Variants in DLGAP4 observed in about 807,000 individuals in gnomAD.
The protein encoded by DLGAP4 is DLG associated protein 4, also known as disks large-associated protein 4.
A neutral mutation model predicts 86.9 loss-of-function variants in DLGAP4; 18 were observed. The observed-to-expected ratio is 0.21, with a 90% CI of 0.14 to 0.31. The LOEUF is 0.31. Among genes scored for constraint, DLGAP4 ranks in the 10% least tolerant of loss-of-function variants. The pLI, the probability that DLGAP4 is intolerant of heterozygous loss-of-function variation, is 1.00. For synonymous variants in DLGAP4, 548 were observed against 574.3 expected (o/e 0.95, Z 0.65); for missense variants, 1,085 against 1,362.6 (o/e 0.80, Z 3.21).
intron 1 of DLGAP4, among the ~76,000 whole-genome samples, chr20:36,328,460 TA>T (rs1317342552): frequency 6.7e-6 from 1 of 148,804 alleles, no homozygotes; most frequent in Non-Finnish European, 1.5e-5. Context: ...CTTATTTGTA[TA>T]CAAAACTGGC....
At chr20:36,462,388 C>CGTAT in intron 7 of DLGAP4, 1 of 1,361,710 alleles carries the variant, frequency 7.3e-7, no homozygotes, top group Non-Finnish European at 9.4e-7. Flanking sequence ...GGTGGTCTCG[C>CGTAT]CACTCTGTGC....
chr20:36,383,530 A>G (rs1477815573), intron 2 of DLGAP4, among the ~76,000 whole-genome samples: 1 of 151,822 alleles, frequency 6.6e-6, no homozygotes, highest in East Asian at 1.9e-4. Flanking sequence ...TAAAAAGGGA[A>G]GGTTTGGGAG....
chr20:36,435,086 G>T (rs2033234936), intron 3 of DLGAP4, among the ~76,000 whole-genome samples: 1 of 151,836 alleles, frequency 6.6e-6, no homozygotes, highest in African/African-American at 2.4e-5. Context: ...TGTGGGGGGG[G>T]GTTGCTGTGA....
chr20:36,461,993 G>C (rs996080118), intron 7 of DLGAP4: 30 of 984,844 alleles, frequency 3.0e-5, no homozygotes, highest in Non-Finnish European at 3.5e-5. Flanking sequence ...AGCGCCCCCA[G>C]ATCTTTTGGG....
chr20:36,312,367 G>A (rs1055295827), intron 1 of DLGAP4, among the ~76,000 whole-genome samples: 38 of 149,924 alleles, frequency 2.5e-4, no homozygotes, highest in African/African-American at 7.8e-4. Flanking sequence ...ATGCACGCGC[G>A]AACACACGCA....
intron 7 of DLGAP4, among the ~76,000 whole-genome samples, chr20:36,454,078 A>G (rs1318095468): frequency 1.3e-5 from 2 of 151,698 alleles, no homozygotes; most frequent in African/African-American, 2.4e-5. Flanking sequence ...TGAGACCAGA[A>G]TGGCCAACAT....
intron 1 of DLGAP4, among the ~76,000 whole-genome samples, chr20:36,340,893 G>C (rs928069675): frequency 3.3e-5 from 5 of 152,164 alleles, no homozygotes; most frequent in Non-Finnish European, 7.4e-5. Context: ...TCGTAGCTTT[G>C]AGTCAGCCCC....
chr20:36,370,939 C>G (rs772588477), intron 2 of DLGAP4, among the ~76,000 whole-genome samples: 1 of 152,218 alleles, frequency 6.6e-6, no homozygotes, highest in African/African-American at 2.4e-5. Flanking sequence ...TTCTGAGGAC[C>G]TATTTTGTGC....
At chr20:36,481,929 G>T (rs961315190) in intron 7 of DLGAP4, among the ~76,000 whole-genome samples, 1 of 152,096 alleles carries the variant, frequency 6.6e-6, no homozygotes, top group Non-Finnish European at 1.5e-5. Context: ...CGCTTTTCTT[G>T]TGTAATTGTC....
chr20:36,498,920 G>GA (rs2036000804), intron 8 of DLGAP4: 1 of 297,646 alleles, frequency 3.4e-6, no homozygotes, highest in Admixed American at 4.8e-5. Flanking sequence ...ACTTGGCCCT[G>GA]ACCCCAGTCC....
chr20:36,522,155 TTC>T (rs1327669224), intron 10 of DLGAP4, among the ~76,000 whole-genome samples: 2 of 152,094 alleles, frequency 1.3e-5, no homozygotes, highest in Non-Finnish European at 2.9e-5. Context: ...TCCACACTCT[TTC>T]TTTTTTGTTT....
chr20:36,322,752 T>G (rs2065181225), intron 1 of DLGAP4, among the ~76,000 whole-genome samples: 1 of 152,104 alleles, frequency 6.6e-6, no homozygotes, highest in Admixed American at 6.5e-5. Flanking sequence ...GACTACCGAG[T>G]ATTATTCTAT....
intron 2 of DLGAP4, among the ~76,000 whole-genome samples, chr20:36,421,657 G>A (rs920936172): frequency 1.3e-5 from 2 of 151,914 alleles, no homozygotes; most frequent in African/African-American, 4.8e-5. Context: ...GGGATGCTGG[G>A]GTAGTGAAAG....
rs756651426 is a variant in DLGAP4, at chr20:36,472,314, CAACAT to C, written c.1649-24389_1649-24385del. Among the ~76,000 whole-genome samples, 39 of 152,104 alleles carry C rather than the reference CAACAT, an allele frequency of 2.6e-4. 1 individual carries two copies. Among genetic ancestry groups the C allele is most frequent in the Middle Eastern group, 6.8e-3 (2 of 294 alleles). ...CTCAGGAGTTAAAGACCAGTCTGGG[CAACAT>C]AGCGAAACGCCGTCTCTATAAAAAA... On this transcript the variant is annotated intron_variant, in intron 7 of 12. Transcript: ENST00000339266.
Position 36,524,256 on chromosome 20 carries a change from G to C in DLGAP4, c.2519G>C (p.Gly840Ala). 1 of 1,614,142 alleles carries C rather than the reference G, an allele frequency of 6.2e-7. No individual in the cohort carries two copies. The highest frequency in any genetic ancestry group is 1.1e-5 in the South Asian group (1 of 91,076). The change falls in exon 11 of 13, where the codon GGA (glycine) becomes GCA (alanine). Residue 840 changes from glycine to alanine, a missense_variant. By Grantham distance (60) the Gly-to-Ala change is moderately conservative. Transcript: ENST00000339266. ...KENNLSEEVL[G>A]KVLSAVGSAQ... The stretch of plus-strand genomic sequence containing the variant: ...TCCACCCTCTGTTTCTCAGTCTTAG[G>C]AAAAGTCCTCAGTGCTGTGGGCAGT...
At chr20:36,506,953 A>G (rs1014902478) in intron 10 of DLGAP4, among the ~76,000 whole-genome samples, 12 of 152,354 alleles carry the variant, frequency 7.9e-5, no homozygotes, top group African/African-American at 2.9e-4. Context: ...TTCACTTTGC[A>G]TAATGTCTTC....
At chr20:36,521,895 C>T (rs551024534) in intron 10 of DLGAP4, among the ~76,000 whole-genome samples, 1 of 152,266 alleles carries the variant, frequency 6.6e-6, no homozygotes, top group East Asian at 1.9e-4. Context: ...GTGTCAGTTC[C>T]CTTTTAATTA....
At chr20:36,490,746 G>C (rs1348142875) in intron 7 of DLGAP4, among the ~76,000 whole-genome samples, 2 of 152,174 alleles carry the variant, frequency 1.3e-5, no homozygotes, top group Non-Finnish European at 2.9e-5. Context: ...GCCCGTGTTA[G>C]GCCTCAGGAC....
chr20:36,500,664 G>C lies in DLGAP4; in HGVS notation c.2512+53G>C. 2.2e-6 allele frequency: 3 copies of C among 1,385,786 alleles called. No individual in the cohort carries two copies. Among genetic ancestry groups the C allele is most frequent in the Non-Finnish European group, 2.8e-6 (3 of 1,064,820 alleles). 85.8% of individuals were successfully genotyped at this position (1,385,786 alleles called of 1,614,324 possible). A position where few individuals can be genotyped will look rare whatever the true frequency, so the allele number is the denominator to read the frequency against. On this transcript the variant is annotated intron_variant, in intron 10 of 12. Coordinates refer to ENST00000339266, the MANE Select transcript of DLGAP4 (RefSeq NM_001365621.2). This position sits in a 1 kb window ranked among gnomAD's most constrained non-coding sequence, Gnocchi z 4.6. ...CAAGGGTAGAAGGTGTTGGCAGCTG[G>C]TTTCAGCTGGTGGCCAGCAGCTTCC...
Sources: gnomAD v4.1 joint callset for allele counts (sites outside exome capture counted in the v4.1 genomes callset) on GRCh38, gnomAD v4.1.1 for gene constraint, Gnocchi (gnomAD v3.1) non-coding constraint, MANE v1.5 for transcripts, NCBI Gene and HGNC (gene_info 2026-07-23, HGNC 2026-07-21) for gene names.